ANO2: variants seen among roughly 807,000 people sequenced by gnomAD.
ANO2 encodes the protein anoctamin 2.
A neutral mutation model predicts 124.2 loss-of-function variants in ANO2; 101 were observed. The ratio of observed to expected loss-of-function variants is 0.81; its 90% CI spans 0.69 to 0.96. The LOEUF (loss-of-function observed/expected upper bound fraction) is 0.96, where lower values mean the gene tolerates loss of function less well. Ranked by LOEUF, ANO2 falls within the 40% of genes least tolerant of loss-of-function variation. The pLI, the probability that ANO2 is intolerant of heterozygous loss-of-function variation, is 0.00. For missense variants in ANO2, 1,293 were observed against 1,274.5 expected (o/e 1.01, Z -0.22); for synonymous variants, 486 against 482.5 (o/e 1.01, Z -0.09).
At chr12:5,882,231 A>C (rs1938553376) in intron 3 of ANO2, among the ~76,000 whole-genome samples, 1 of 152,214 alleles carries the variant, frequency 6.6e-6, no homozygotes, top group African/African-American at 2.4e-5. Flanking sequence ...TAAAGAAATA[A>C]TGCCTCCCTC....
At chr12:5,602,195 AACAG>A (rs1452862338) in intron 19 of ANO2, among the ~76,000 whole-genome samples, 1 of 152,254 alleles carries the variant, frequency 6.6e-6, no homozygotes, top group Non-Finnish European at 1.5e-5. Flanking sequence ...AAAAAAGTAG[AACAG>A]ACATAGAAAT....
chr12:5,734,240 T>C (rs982263846), intron 13 of ANO2, among the ~76,000 whole-genome samples: 2 of 152,250 alleles, frequency 1.3e-5, no homozygotes, highest in East Asian at 3.8e-4. Flanking sequence ...CCTAAGCACA[T>C]CATTTCCCGC....
intron 3 of ANO2, among the ~76,000 whole-genome samples, chr12:5,882,636 G>T (rs769531923): frequency 3.3e-5 from 5 of 152,206 alleles, no homozygotes; most frequent in African/African-American, 1.2e-4. Flanking sequence ...TGGAGGAAAC[G>T]TCAAAGGTGG....
At chr12:5,939,127 G>A (rs1942785577) in intron 1 of ANO2, among the ~76,000 whole-genome samples, 1 of 137,544 alleles carries the variant, frequency 7.3e-6, no homozygotes, top group East Asian at 2.3e-4. Context: ...TGAGACAGGA[G>A]AATCGTTTGA....
intron 1 of ANO2, among the ~76,000 whole-genome samples, chr12:5,930,013 TACCTTCTTTCCTTATTA>T (rs1297139336): frequency 2.4e-4 from 31 of 129,004 alleles, no homozygotes; most frequent in East Asian, 8.3e-4. Flanking sequence ...CTCACTCGTC[TACCTTCTTTCCTTATTA>T]GTCACTTTCT....
At chr12:5,698,046 C>T (rs1442875011) in intron 14 of ANO2, among the ~76,000 whole-genome samples, 1 of 152,148 alleles carries the variant, frequency 6.6e-6, no homozygotes, top group Non-Finnish European at 1.5e-5. Flanking sequence ...ATAGAGGCAG[C>T]AGAAATTTCT....
intron 3 of ANO2, among the ~76,000 whole-genome samples, chr12:5,919,699 A>T (rs74584495): frequency 6.6e-6 from 1 of 150,928 alleles, no homozygotes; most frequent in African/African-American, 2.4e-5. Flanking sequence ...AGGGAAGGTC[A>T]TTTTTTTTTC....
chr12:5,589,519 A>G (rs1056663893), intron 20 of ANO2, among the ~76,000 whole-genome samples: 3 of 152,180 alleles, frequency 2.0e-5, no homozygotes, highest in African/African-American at 7.2e-5. Flanking sequence ...CATAAATGAT[A>G]CACTCATTTA....
In ANO2 at chr12:5,923,178, A is replaced by G. The variant is rs1271607664; in HGVS notation, c.23-374T>C. Among the ~76,000 whole-genome samples, 51 of 62,636 alleles carry G rather than the reference A, an allele frequency of 8.1e-4. 2 individuals are homozygous for G. Among genetic ancestry groups the G allele is most frequent in the African/African-American group, 1.4e-3 (32 of 23,112 alleles). The allele number at this position is 62,636 out of a possible 152,430, so 41.1% of individuals were successfully genotyped here. On this transcript the variant is annotated intron_variant, in intron 1 of 24. Transcript: ENST00000682330. ...CACACACGCATACACACACACGCAC[A>G]CACACATACACACACACGCACGCAC...
intron 19 of ANO2, among the ~76,000 whole-genome samples, chr12:5,610,064 TTA>T (rs541685806): frequency 0.014 from 1,854 of 135,810 alleles, 43 homozygotes; most frequent in African/African-American, 0.047. Context: ...ATATAAATAT[TTA>T]TGTTATATAT....
At chr12:5,597,351 T>G (rs977245680) in intron 20 of ANO2, among the ~76,000 whole-genome samples, 4 of 152,188 alleles carry the variant, frequency 2.6e-5, no homozygotes, top group African/African-American at 9.7e-5. Flanking sequence ...CATCCAGTAT[T>G]TGGTTTTCTG....
chr12:5,613,071 T>C, intron 17 of ANO2, 113 bp from the exon 18 acceptor site: 1 of 1,020,398 alleles, frequency 9.8e-7, no homozygotes, highest in Non-Finnish European at 1.5e-6. Context: ...AAAGCACTGG[T>C]CAGGGCGAGT....
Position 5,563,240 on chromosome 12 carries a change from G to A in ANO2, c.*59C>T. On this transcript the variant is annotated 3_prime_UTR_variant, in exon 25 of 25. Transcript: ENST00000682330. The stretch of plus-strand genomic sequence containing the variant: ...GCACGCCATGTGGGTGTAGGAACAT[G>A]CTTACGTGCATGTGCGTGTCTCTGC... 2 of 1,535,222 alleles carry A rather than the reference G, an allele frequency of 1.3e-6. No homozygotes were observed. The highest frequency in any genetic ancestry group is 1.7e-6 in the Non-Finnish European group (2 of 1,145,496).
At chr12:5,642,375 C>T (rs1476148936) in intron 15 of ANO2, among the ~76,000 whole-genome samples, 1 of 152,176 alleles carries the variant, frequency 6.6e-6, no homozygotes. Context: ...AGGAGGGCAA[C>T]TGAGTTAAGG....
At chr12:5,855,637 C>T (rs1332002555) in intron 3 of ANO2, among the ~76,000 whole-genome samples, 3 of 152,164 alleles carry the variant, frequency 2.0e-5, no homozygotes, top group Middle Eastern at 3.2e-3. Context: ...GTGTATTATG[C>T]GCCAGAACTG....
rs560899643 is a variant in ANO2, at chr12:5,784,995, C to T, written c.1055+14512G>A. Among the ~76,000 whole-genome samples, 43 of 152,334 alleles carry T rather than the reference C, an allele frequency of 2.8e-4. No individual in the cohort carries two copies. In the South Asian group the frequency reaches 8.7e-3, roughly 31 times the overall value. ...TAATTTGAGCCATGGATAGACAGGG[C>T]TGCTCTTTGTTGGAGTTGCAAGAGC... On this transcript the variant is annotated intron_variant, in intron 10 of 24. Transcript: ENST00000682330.
intron 4 of ANO2, among the ~76,000 whole-genome samples, chr12:5,850,544 T>C (rs1954854617): frequency 6.6e-6 from 1 of 152,174 alleles, no homozygotes. Flanking sequence ...TTCTGTTTTA[T>C]CTGCAGCCTT....
chr12:5,687,655 T>A (rs1948760456), intron 14 of ANO2, among the ~76,000 whole-genome samples: 1 of 152,154 alleles, frequency 6.6e-6, no homozygotes, highest in African/African-American at 2.4e-5. Flanking sequence ...GAACTTGGAG[T>A]GCTGCACAAA....
chr12:5,779,509 T>C (rs1406240994), intron 10 of ANO2, among the ~76,000 whole-genome samples: 1 of 152,212 alleles, frequency 6.6e-6, no homozygotes, highest in Non-Finnish European at 1.5e-5. Context: ...AATTCCTCCA[T>C]GCGAAAAGTC....
Sources: gnomAD v4.1 joint callset for allele counts (sites outside exome capture counted in the v4.1 genomes callset) on GRCh38, gnomAD v4.1.1 for gene constraint, MANE v1.5 for transcripts, NCBI Gene and HGNC (gene_info 2026-07-23, HGNC 2026-07-21) for gene names.